SLIT3: variants seen among roughly 807,000 people sequenced by gnomAD.
SLIT3 encodes the protein slit guidance ligand 3.
SLIT3 carries 68 observed loss-of-function variants against 184.0 expected under a neutral mutation model. The ratio of observed to expected loss-of-function variants is 0.37; its 90% CI spans 0.30 to 0.45. The LOEUF is 0.45. SLIT3 is among the 20% of genes least tolerant of loss of function. The probability of loss-of-function intolerance (pLI) is 1.00; values close to 1 mark genes in which losing one functional copy is unlikely to be tolerated. For synonymous variants in SLIT3, 831 were observed against 828.6 expected, an observed-to-expected ratio of 1.00 and a Z score of -0.05; for missense variants, 1,707 against 2,026.0, an observed-to-expected ratio of 0.84 and a Z score of 3.02.
At position 168,666,411 on chromosome 5, in the gene SLIT3, AT is replaced by A; in HGVS notation, c.*42del. On this transcript the variant is annotated 3_prime_UTR_variant, in exon 36 of 36. Transcript: ENST00000519560. Reference sequence around the variant, plus strand: ...GGTCCCACATGGCTGTCCCAACTCCATCAAGCTGGAGTCCGAGAGGTGGCAG... The same window carrying A: ...GGTCCCACATGGCTGTCCCAACTCCACAAGCTGGAGTCCGAGAGGTGGCAG... 6.6e-7 allele frequency: 1 copy of A among 1,504,060 alleles called. No homozygotes were observed. The highest frequency in any genetic ancestry group is 8.9e-7 in the Non-Finnish European group (1 of 1,127,856). 93.2% of individuals were successfully genotyped at this position (1,504,060 alleles called of 1,614,324 possible).
chr5:168,748,567 G>C, intron 19 of SLIT3, 133 bp from the exon 20 acceptor site: 1 of 851,004 alleles, frequency 1.2e-6, no homozygotes, highest in Non-Finnish European at 1.7e-6. Context: ...ACCAGGAAGA[G>C]GGTACCCGCT....
chr5:168,671,152 C>T lies in SLIT3; in HGVS notation c.4127+46G>A, dbSNP rs770267297. The T allele has an allele frequency of 1.5e-5, 23 of 1,580,574 alleles. No individual in the cohort carries two copies. The South Asian group carries it at 2.6e-4, about 18-fold the overall frequency. ...TCTCAGGTGGGGTAGGGACTGAGGCCATTCTGGGAGCTCGAGCACACAGCC... is the reference window on the plus strand; with the variant it reads ...TCTCAGGTGGGGTAGGGACTGAGGCTATTCTGGGAGCTCGAGCACACAGCC... On this transcript the variant is annotated intron_variant, in intron 34 of 35. Transcript: ENST00000519560.
intron 4 of SLIT3, among the ~76,000 whole-genome samples, chr5:169,113,954 C>T (rs1459419406): frequency 6.6e-6 from 1 of 152,136 alleles, no homozygotes; most frequent in African/African-American, 2.4e-5. Context: ...GTGCATGGCT[C>T]ATCATGCCAT....
chr5:169,035,631 A>G (rs931461716), intron 4 of SLIT3, among the ~76,000 whole-genome samples: 2 of 145,660 alleles, frequency 1.4e-5, no homozygotes, highest in African/African-American at 5.2e-5. Context: ...CCTGGGTGAC[A>G]GTGAGACTGC....
intron 4 of SLIT3, among the ~76,000 whole-genome samples, chr5:168,996,556 G>A (rs913347745): frequency 2.0e-5 from 3 of 152,268 alleles, no homozygotes; most frequent in Admixed American, 6.5e-5. Context: ...TGGATATAAC[G>A]TCAAGCGCTT....
chr5:169,001,038 G>T (rs1430866902), intron 4 of SLIT3, among the ~76,000 whole-genome samples: 1 of 152,150 alleles, frequency 6.6e-6, no homozygotes, highest in East Asian at 1.9e-4. Flanking sequence ...TATGACAGAG[G>T]GACATAAATA....
chr5:168,884,718 T>C (rs1760126430), intron 4 of SLIT3, among the ~76,000 whole-genome samples: 1 of 151,686 alleles, frequency 6.6e-6, no homozygotes, highest in South Asian at 2.1e-4. Context: ...ATCGTCCAAT[T>C]GTATGAGTGG....
chr5:169,060,824 G>A (rs528088591), intron 4 of SLIT3, among the ~76,000 whole-genome samples: 2 of 152,192 alleles, frequency 1.3e-5, no homozygotes, highest in Non-Finnish European at 2.9e-5. Context: ...GCTGGGTTTA[G>A]AAAAATGAAT....
intron 4 of SLIT3, among the ~76,000 whole-genome samples, chr5:169,043,927 T>C (rs889069368): frequency 6.6e-6 from 1 of 152,210 alleles, no homozygotes; most frequent in Non-Finnish European, 1.5e-5. Context: ...ATGACATAAC[T>C]ACGACAGAAC....
At chr5:168,670,124 G>C in intron 34 of SLIT3, 133 bp from the exon 35 acceptor site, 2 of 718,888 alleles carry the variant, frequency 2.8e-6, no homozygotes, top group Admixed American at 2.3e-5. Context: ...TGTTTCCTAG[G>C]CTGAGCATCT....
At chr5:168,880,042 G>A (rs2938772) in intron 5 of SLIT3, among the ~76,000 whole-genome samples, 56,876 of 152,022 alleles carry the variant, frequency 0.37, 10,948 homozygotes, top group Admixed American at 0.48. Flanking sequence ...ATGGCCTCTA[G>A]CAACTCACTG....
chr5:169,146,512 A>G (rs535140305), intron 4 of SLIT3, among the ~76,000 whole-genome samples: 2 of 152,208 alleles, frequency 1.3e-5, no homozygotes, highest in Admixed American at 6.5e-5. Context: ...AAGGCCCTTC[A>G]CAAGCCAGCT....
chr5:169,092,543 C>T (rs1268222593), intron 4 of SLIT3, among the ~76,000 whole-genome samples: 6 of 152,162 alleles, frequency 3.9e-5, no homozygotes, highest in African/African-American at 9.7e-5. Flanking sequence ...CTGTTGCCTC[C>T]GTAGTCAGGC....
chr5:168,765,941 G>T (rs1248856848), intron 14 of SLIT3, among the ~76,000 whole-genome samples: 1 of 152,106 alleles, frequency 6.6e-6, no homozygotes, highest in Non-Finnish European at 1.5e-5. Flanking sequence ...GTGGGGGTAG[G>T]AGGTGGAAAT....
chr5:168,885,303 T>C (rs942543808), intron 4 of SLIT3, among the ~76,000 whole-genome samples: 1 of 152,112 alleles, frequency 6.6e-6, no homozygotes, highest in Non-Finnish European at 1.5e-5. Context: ...CTGCAACCGA[T>C]GTAAGTAAAT....
chr5:169,286,031 T>G (rs1251538994), intron 1 of SLIT3, among the ~76,000 whole-genome samples: 1 of 152,204 alleles, frequency 6.6e-6, no homozygotes, highest in Non-Finnish European at 1.5e-5. Context: ...ATAATGGCTT[T>G]TGGAGTGATT....
intron 5 of SLIT3, among the ~76,000 whole-genome samples, chr5:168,870,883 A>G (rs1002902393): frequency 2.6e-5 from 4 of 152,210 alleles, no homozygotes; most frequent in Non-Finnish European, 4.4e-5. Flanking sequence ...TATGTCAATG[A>G]TTTATTTTAA....
At chr5:168,858,588 G>A (rs138318689) in intron 5 of SLIT3, among the ~76,000 whole-genome samples, 17 of 152,318 alleles carry the variant, frequency 1.1e-4, no homozygotes, top group South Asian at 8.3e-4. Flanking sequence ...CTGCAGCAGC[G>A]TTGGGCTTAC....
intron 23 of SLIT3, among the ~76,000 whole-genome samples, chr5:168,714,581 CACAA>C (rs961048118): frequency 5.3e-5 from 8 of 152,238 alleles, no homozygotes; most frequent in East Asian, 1.9e-4. Context: ...GAAACTCCAT[CACAA>C]ACAAACAAAC....
Sources: allele counts gnomAD v4.1 joint callset (sites outside exome capture counted in the v4.1 genomes callset), GRCh38; gene constraint gnomAD v4.1.1; transcripts MANE v1.5; gene names NCBI Gene and HGNC (gene_info 2026-07-23, HGNC 2026-07-21).